ZNF622: variants seen among roughly 807,000 people sequenced by gnomAD.
The protein encoded by ZNF622 is cytoplasmic 60S subunit biogenesis factor ZNF622.
ZNF622 carries 34 observed loss-of-function variants against 49.7 expected under a neutral mutation model. The observed-to-expected ratio is 0.68, with a 90% CI of 0.52 to 0.91. ZNF622 has a LOEUF of 0.91. ZNF622 is among the 40% of genes least tolerant of loss of function. ZNF622 has a pLI of 0.00. For synonymous variants in ZNF622, 209 were observed against 228.7 expected (o/e 0.91, Z 0.78); for missense variants, 569 against 616.4 (o/e 0.92, Z 0.81).
Position 16,465,267 on chromosome 5 carries a change from C to G in ZNF622, c.399G>C (p.Gln133His). ...TGGACGGCTGGGCCTTGATGGCCTG[C>G]TGGATGGCCGCGTTCATGGCATCCT... ...VDKDAMNAAIQQAIKAQPSMS... is the reference protein window; with the variant it reads ...VDKDAMNAAIHQAIKAQPSMS... Residue 133 changes from glutamine to histidine, a missense_variant, in exon 1 of 6, where the codon CAG becomes CAC. By Grantham distance (24) the Gln-to-His change is conservative. Transcript: ENST00000308683. The surrounding 1 kb of genome is among the most constrained non-coding windows in gnomAD (Gnocchi z 6.2). 1.2e-6 allele frequency: 2 copies of G among 1,614,248 alleles called. No homozygotes were observed. Among genetic ancestry groups the G allele is most frequent in the Non-Finnish European group, 1.7e-6 (2 of 1,180,022 alleles).
chr5:16,452,008 T>A (rs1250921857), intron 5 of ZNF622, among the ~76,000 whole-genome samples: 3 of 152,160 alleles, frequency 2.0e-5, no homozygotes, highest in Admixed American at 6.5e-5. Flanking sequence ...TATCTGGGAT[T>A]AGTAGCTTTA....
chr5:16,465,236 G>A lies in ZNF622; in HGVS notation c.430C>T (p.Pro144Ser). ...GCAGGCGCTGGGGGCGCCTTCTTGG[G>A]AGACATGGACGGCTGGGCCTTGATG... is the stretch of plus-strand genomic sequence containing the variant. ...QAIKAQPSMS[P>S]KKAPPAPAKE... Residue 144 changes from proline to serine, a missense_variant, in exon 1 of 6, where the codon CCC (proline) becomes TCC (serine). By Grantham distance (74) the Pro-to-Ser change is moderately conservative. Coordinates refer to ENST00000308683, the MANE Select transcript of ZNF622 (RefSeq NM_033414.3). This position sits in a 1 kb window ranked among gnomAD's most constrained non-coding sequence, Gnocchi z 6.2. The A allele has an allele frequency of 1.9e-6, 3 of 1,614,206 alleles. No homozygotes were observed. Among genetic ancestry groups the A allele is most frequent in the Non-Finnish European group, 2.5e-6 (3 of 1,180,034 alleles).
intron 4 of ZNF622, among the ~76,000 whole-genome samples, chr5:16,454,637 A>T (rs966290995): frequency 1.3e-5 from 2 of 152,284 alleles, no homozygotes; most frequent in South Asian, 2.1e-4. Context: ...GGCACATCTG[A>T]TATATTAATC....
rs778574362 is a variant in ZNF622, at chr5:16,463,201, T to G, written c.956A>C (p.Glu319Ala). The change falls in exon 3 of 6, where the codon GAA becomes GCA. Residue 319 changes from glutamate to alanine, a missense_variant. Physicochemically the swap from Glu to Ala is moderately radical, Grantham distance 107. Transcript: ENST00000308683. The surrounding 1 kb of genome is among the most constrained non-coding windows in gnomAD (Gnocchi z 4.2). ...NEKGKSFYST[E>A]AVQAHMNDKS... is the part of the protein sequence containing the mutation. Reference sequence around the variant, plus strand: ...GTCATTCATATGTGCCTGTACAGCTTCTGTGGAGTAGAAGGACTTCCCTTT... The same window carrying G: ...GTCATTCATATGTGCCTGTACAGCTGCTGTGGAGTAGAAGGACTTCCCTTT... 3 of 1,613,826 alleles carry G rather than the reference T, an allele frequency of 1.9e-6. No homozygotes were observed. In the Admixed American group the frequency reaches 5.0e-5, roughly 27 times the overall value.
At chr5:16,453,255 T>C in intron 4 of ZNF622, 99 bp from the exon 5 acceptor site, 1 of 1,214,046 alleles carries the variant, frequency 8.2e-7, no homozygotes, top group Non-Finnish European at 1.1e-6. Flanking sequence ...TTTTAGTATA[T>C]CTAGATGGAA....
In ZNF622 at chr5:16,465,655, T is replaced by G. The variant is rs145698626; in HGVS notation, c.11A>C (p.Tyr4Ser). The G allele has an allele frequency of 6.4e-7, 1 of 1,570,608 alleles. No homozygotes were observed. Among genetic ancestry groups the G allele is most frequent in the Non-Finnish European group, 8.6e-7 (1 of 1,159,622 alleles). Residue 4 changes from tyrosine (Y) to serine (S), a missense_variant, in exon 1 of 6, where the codon TAC becomes TCC. Physicochemically the swap from Tyr to Ser is moderately radical, Grantham distance 144. Coordinates refer to ENST00000308683, the MANE Select transcript of ZNF622 (RefSeq NM_033414.3). The surrounding 1 kb of genome is among the most constrained non-coding windows in gnomAD (Gnocchi z 6.2). ...CGCCACCCGGCAAGTTATGCAGGTG[T>G]ACGTCGCCATTGCCAGGCGAGAAAT... MAT[Y>S]TCITCRVAFR...
chr5:16,462,208 C>T (rs930383369), intron 3 of ZNF622, among the ~76,000 whole-genome samples: 4 of 152,212 alleles, frequency 2.6e-5, no homozygotes, highest in African/African-American at 9.6e-5. Flanking sequence ...ACTTAAAAGA[C>T]TGAGACTTTT....
chr5:16,458,268 A>G (rs1738062329), intron 4 of ZNF622, among the ~76,000 whole-genome samples: 4 of 152,152 alleles, frequency 2.6e-5, no homozygotes, highest in African/African-American at 9.7e-5. Flanking sequence ...AAAAAAAAAA[A>G]AAAGAAATGC....
intron 4 of ZNF622, among the ~76,000 whole-genome samples, chr5:16,453,549 T>TAAATAAAAATTATATATATATAA (rs1737967897): frequency 1.7e-5 from 2 of 120,112 alleles, no homozygotes; most frequent in African/African-American, 6.0e-5. Flanking sequence ...TATATATAAA[T>TAAATAAAAATTATATATATATAA]AAATAAAAAT....
At chr5:16,454,918 C>G (rs1406383287) in intron 4 of ZNF622, among the ~76,000 whole-genome samples, 1 of 152,220 alleles carries the variant, frequency 6.6e-6, no homozygotes, top group Non-Finnish European at 1.5e-5. Context: ...TTAGAGATGA[C>G]TAATTCCAGG....
rs1579567706 is a variant in ZNF622, at chr5:16,465,225, C to T, written c.441G>A (p.Ala147=). 6.2e-7 allele frequency: 1 copy of T among 1,614,172 alleles called. No homozygotes were observed. Among genetic ancestry groups the T allele is most frequent in the South Asian group, 1.1e-5 (1 of 91,092 alleles). The change falls in exon 1 of 6, where the codon GCG becomes GCA. Residue 147 remains alanine (A), a synonymous_variant. Coordinates refer to ENST00000308683, the MANE Select transcript of ZNF622 (RefSeq NM_033414.3). This position sits in a 1 kb window ranked among gnomAD's most constrained non-coding sequence, Gnocchi z 6.2. ...KAQPSMSPKK[A]PPAPAKEARN... ...TGGCCTCCTTTGCAGGCGCTGGGGGCGCCTTCTTGGGAGACATGGACGGCT... is the reference window on the plus strand; with the variant it reads ...TGGCCTCCTTTGCAGGCGCTGGGGGTGCCTTCTTGGGAGACATGGACGGCT...
intron 4 of ZNF622, among the ~76,000 whole-genome samples, chr5:16,455,948 G>T (rs890579587): frequency 1.3e-5 from 2 of 152,092 alleles, no homozygotes; most frequent in Non-Finnish European, 2.9e-5. Flanking sequence ...ACACTTGAAG[G>T]CCCTCATCAA....
chr5:16,460,658 C>T (rs1032443540), intron 3 of ZNF622, among the ~76,000 whole-genome samples: 2 of 152,100 alleles, frequency 1.3e-5, no homozygotes, highest in African/African-American at 4.8e-5. Flanking sequence ...CTTACCTCAG[C>T]CTCCTAAGCA....
intron 3 of ZNF622, among the ~76,000 whole-genome samples, chr5:16,458,883 G>C (rs1355762886): frequency 1.3e-5 from 2 of 152,206 alleles, no homozygotes; most frequent in Non-Finnish European, 2.9e-5. Context: ...TAACAGAGAA[G>C]AAGGAGAATG....
chr5:16,461,795 G>A (rs559159390), intron 3 of ZNF622, among the ~76,000 whole-genome samples: 79 of 152,306 alleles, frequency 5.2e-4, no homozygotes, highest in African/African-American at 1.8e-3. Flanking sequence ...GTTTACAGCT[G>A]AGGGGAAGGC....
Position 16,463,391 on chromosome 5 carries a change from T to C in ZNF622, c.886+91A>G. The C allele has an allele frequency of 2.7e-6, 4 of 1,506,502 alleles. No homozygotes were observed. The highest frequency in any genetic ancestry group is 1.4e-5 in the African/African-American group (1 of 71,638). 93.3% of individuals were successfully genotyped at this position (1,506,502 alleles called of 1,614,324 possible). On this transcript the variant is annotated intron_variant, in intron 2 of 5. Transcript: ENST00000308683. The surrounding 1 kb of genome is among the most constrained non-coding windows in gnomAD (Gnocchi z 4.2). ...AATAACCAAGCAATTATATCAAAGATTGATGAAAAATGCAAAACTAATGTT... is the reference window on the plus strand; with the variant it reads ...AATAACCAAGCAATTATATCAAAGACTGATGAAAAATGCAAAACTAATGTT...
intron 5 of ZNF622, 70 bp from the exon 6 acceptor site, chr5:16,451,854 G>C: frequency 5.8e-6 from 9 of 1,548,512 alleles, no homozygotes; most frequent in Non-Finnish European, 7.0e-6. Context: ...ATCCAACCTT[G>C]GCAGAGAATT....
rs1186422244 is a variant in ZNF622, at chr5:16,465,590, C to T, written c.76G>A (p.Asp26Asn). The T allele has an allele frequency of 2.5e-6, 4 of 1,612,890 alleles. No homozygotes were observed. Among genetic ancestry groups the T allele is most frequent in the Admixed American group, 1.7e-5 (1 of 59,920 alleles). ...ADMQRAHYKTDWHRYNLRRKV... is the reference protein window; with the variant it reads ...ADMQRAHYKTNWHRYNLRRKV... ...CGCCGCAGGTTGTAGCGGTGCCAGT[C>T]CGTCTTATAGTGGGCCCGCTGCATG... The change falls in exon 1 of 6, where the codon GAC (aspartate) becomes AAC (asparagine). Residue 26 changes from aspartate (D) to asparagine (N), a missense_variant. Asp to Asn is a conservative substitution (Grantham distance 23). Transcript: ENST00000308683. This position sits in a 1 kb window ranked among gnomAD's most constrained non-coding sequence, Gnocchi z 6.2.
chr5:16,463,144 T>A lies in ZNF622; in HGVS notation c.1013A>T (p.Asp338Val), dbSNP rs751439032. Residue 338 changes from aspartate to valine, a missense_variant, in exon 3 of 6, where the codon GAT becomes GTT. Asp to Val is a radical substitution (Grantham distance 152, BLOSUM62 -3). Transcript: ENST00000308683. This position sits in a 1 kb window ranked among gnomAD's most constrained non-coding sequence, Gnocchi z 4.2. The part of the protein sequence containing the change: ...KSHCKLFTDG[D>V]AALEFADFYD... ...GAAGTCTGCAAATTCCAAAGCAGCA[T>A]CGCCATCTGTGAAGAGCTTACAGTG... 1 of 1,612,268 alleles carries A rather than the reference T, an allele frequency of 6.2e-7. No homozygotes were observed. Among genetic ancestry groups the A allele is most frequent in the Non-Finnish European group, 8.5e-7 (1 of 1,179,686 alleles).
Sources: gnomAD v4.1 joint callset for allele counts (sites outside exome capture counted in the v4.1 genomes callset) on GRCh38, gnomAD v4.1.1 for gene constraint, Gnocchi (gnomAD v3.1) non-coding constraint, MANE v1.5 for transcripts, NCBI Gene and HGNC (gene_info 2026-07-23, HGNC 2026-07-21) for gene names.